TTBK2: variants seen among roughly 807,000 people sequenced by gnomAD.
TTBK2 encodes tau-tubulin kinase 2.
Under a neutral mutation model 110.8 loss-of-function variants are expected in TTBK2, and 28 were observed. That is an observed-to-expected ratio of 0.25 (90% CI 0.19 to 0.35). The LOEUF (loss-of-function observed/expected upper bound fraction) is 0.35, where lower values mean the gene tolerates loss of function less well. Among genes scored for constraint, TTBK2 ranks in the 10% least tolerant of loss-of-function variants. The pLI is 1.00. For missense variants in TTBK2, 1,369 were observed against 1,500.3 expected (o/e 0.91, Z 1.45); for synonymous variants, 532 against 527.3 (o/e 1.01, Z -0.12).
At chr15:42,815,945 T>G (rs2140941739) in intron 7 of TTBK2, among the ~76,000 whole-genome samples, 1 of 23,504 alleles carries the variant, frequency 4.3e-5, no homozygotes, top group East Asian at 1.8e-3. Context: ...TATATATATA[T>G]ATTTAAAAAA....
chr15:42,817,477 G>A (rs1892087856), intron 6 of TTBK2, among the ~76,000 whole-genome samples: 1 of 152,056 alleles, frequency 6.6e-6, no homozygotes, highest in Non-Finnish European at 1.5e-5. Flanking sequence ...AATATATTTA[G>A]ATGGTGAGGA....
At chr15:42,797,077 T>C (rs924261194) in intron 9 of TTBK2, among the ~76,000 whole-genome samples, 4 of 152,174 alleles carry the variant, frequency 2.6e-5, no homozygotes, top group Non-Finnish European at 5.9e-5. Flanking sequence ...ACCTAGGGAA[T>C]TGAAGTGCCA....
intron 9 of TTBK2, chr15:42,801,621 C>T (rs1397626076): frequency 6.2e-6 from 5 of 809,692 alleles, no homozygotes; most frequent in South Asian, 1.3e-5. Context: ...TCGTACTGCA[C>T]CTTGACCTCA....
chr15:42,775,028 C>A, intron 13 of TTBK2, 107 bp downstream of exon 13: 1 of 1,255,720 alleles, frequency 8.0e-7, no homozygotes, highest in East Asian at 2.3e-5. Context: ...GGGCCATCTG[C>A]AAAATTTAGG....
At chr15:42,870,483 AT>A (rs1894571851) in intron 3 of TTBK2, among the ~76,000 whole-genome samples, 1 of 152,120 alleles carries the variant, frequency 6.6e-6, no homozygotes, top group Non-Finnish European at 1.5e-5. Flanking sequence ...CAATATCTGA[AT>A]TTTGAGAAGA....
At chr15:42,875,881 G>C (rs538227452) in intron 2 of TTBK2, among the ~76,000 whole-genome samples, 1 of 148,836 alleles carries the variant, frequency 6.7e-6, no homozygotes, top group Non-Finnish European at 1.5e-5. Context: ...ACTCCAGCCT[G>C]GGCGACAGAG....
At chr15:42,895,747 C>G (rs1385202695) in intron 1 of TTBK2, among the ~76,000 whole-genome samples, 2 of 152,020 alleles carry the variant, frequency 1.3e-5, no homozygotes, top group African/African-American at 4.8e-5. Flanking sequence ...CCGTGTTAGA[C>G]AGGATGGCCT....
intron 9 of TTBK2, among the ~76,000 whole-genome samples, chr15:42,799,713 G>C (rs927999945): frequency 5.3e-5 from 8 of 152,070 alleles, no homozygotes; most frequent in African/African-American, 1.9e-4. Flanking sequence ...TGGGATTACA[G>C]GCGTGAGCCA....
At chr15:42,869,173 C>T (rs1014148988) in intron 3 of TTBK2, among the ~76,000 whole-genome samples, 51 of 152,170 alleles carry the variant, frequency 3.4e-4, no homozygotes, top group Admixed American at 1.1e-3. Context: ...CTGCAACCTC[C>T]GCCTTCTGGG....
At chr15:42,777,581 A>G (rs1889988838) in intron 11 of TTBK2, among the ~76,000 whole-genome samples, 1 of 152,200 alleles carries the variant, frequency 6.6e-6, no homozygotes, top group Non-Finnish European at 1.5e-5. Flanking sequence ...TGAAACCTGG[A>G]AAGGATGTTC....
At chr15:42,841,623 A>T (rs1175424751) in intron 3 of TTBK2, among the ~76,000 whole-genome samples, 2 of 152,192 alleles carry the variant, frequency 1.3e-5, no homozygotes, top group Non-Finnish European at 2.9e-5. Context: ...ATAACTACTA[A>T]AACACTGTGG....
intron 9 of TTBK2, among the ~76,000 whole-genome samples, chr15:42,795,603 A>G (rs951492929): frequency 6.6e-6 from 1 of 151,948 alleles, no homozygotes; most frequent in East Asian, 1.9e-4. Context: ...TCTTTGGAGG[A>G]TTTTGCGCAG....
At chr15:42,876,716 T>TA (rs1894830617) in intron 2 of TTBK2, among the ~76,000 whole-genome samples, 1 of 152,034 alleles carries the variant, frequency 6.6e-6, no homozygotes, top group South Asian at 2.1e-4. Context: ...TGTGTAGCAA[T>TA]AAAAAAATAT....
At chr15:42,870,832 G>A (rs999033441) in intron 3 of TTBK2, among the ~76,000 whole-genome samples, 16 of 149,910 alleles carry the variant, frequency 1.1e-4, no homozygotes, top group African/African-American at 3.7e-4. Context: ...CTGTACTCCA[G>A]TGTGGTGACA....
intron 1 of TTBK2, among the ~76,000 whole-genome samples, chr15:42,904,003 C>T (rs2030224547): frequency 6.6e-6 from 1 of 152,140 alleles, no homozygotes; most frequent in African/African-American, 2.4e-5. Flanking sequence ...GGAACTGAGG[C>T]TCTCAAACAA....
chr15:42,875,313 T>C (rs1489527306), intron 2 of TTBK2, among the ~76,000 whole-genome samples: 3 of 152,148 alleles, frequency 2.0e-5, no homozygotes, highest in African/African-American at 4.8e-5. Flanking sequence ...TTTAGTATGA[T>C]TGGGGTACAC....
chr15:42,789,418 T>C (rs1890548859), intron 10 of TTBK2, among the ~76,000 whole-genome samples: 1 of 152,168 alleles, frequency 6.6e-6, no homozygotes, highest in Non-Finnish European at 1.5e-5. Context: ...CTGTGGCAAA[T>C]GATAGGATCT....
chr15:42,799,720 G>A (rs1347983277), intron 9 of TTBK2, among the ~76,000 whole-genome samples: 1 of 152,098 alleles, frequency 6.6e-6, no homozygotes, highest in Non-Finnish European at 1.5e-5. Context: ...ACAGGCGTGA[G>A]CCACCGCACC....
intron 4 of TTBK2, among the ~76,000 whole-genome samples, chr15:42,837,553 A>G (rs1893039894): frequency 6.7e-6 from 1 of 148,476 alleles, no homozygotes; most frequent in African/African-American, 2.5e-5. Flanking sequence ...CAACTACTTG[A>G]GAGACTGAGG....
Sources: gnomAD v4.1 joint callset for allele counts (sites outside exome capture counted in the v4.1 genomes callset) on GRCh38, gnomAD v4.1.1 for gene constraint, MANE v1.5 for transcripts, NCBI Gene and HGNC (gene_info 2026-07-23, HGNC 2026-07-21) for gene names.